The following CFAP57 variants were observed in gnomAD, a reference collection of about 807,000 sequenced individuals.
The protein encoded by CFAP57 is cilia- and flagella-associated protein 57.
A neutral mutation model predicts 146.8 loss-of-function variants in CFAP57; 116 were observed. That is an observed-to-expected ratio of 0.79 (90% CI 0.68 to 0.92). The LOEUF is 0.92. Among genes scored for constraint, CFAP57 ranks in the 40% least tolerant of loss-of-function variants. The pLI is 0.00. For synonymous variants in CFAP57, 518 were observed against 552.8 expected (o/e 0.94, Z 0.88); for missense variants, 1,377 against 1,527.2 (o/e 0.90, Z 1.64).
intron 6 of CFAP57, among the ~76,000 whole-genome samples, chr1:43,193,558 C>T (rs1482563573): frequency 6.6e-6 from 1 of 151,978 alleles, no homozygotes; most frequent in Non-Finnish European, 1.5e-5. Context: ...TCATTATAAT[C>T]AGATTCAGTT....
At chr1:43,218,890 A>G (rs1644938467) in intron 12 of CFAP57, among the ~76,000 whole-genome samples, 1 of 152,262 alleles carries the variant, frequency 6.6e-6, no homozygotes, top group African/African-American at 2.4e-5. Flanking sequence ...TTGTTCCCGT[A>G]CTTGGGATAT....
Position 43,222,097 on chromosome 1 carries a change from C to T in CFAP57, c.2342-8C>T. On this transcript the variant is annotated splice_polypyrimidine_tract_variant and splice_region_variant and intron_variant, in intron 14 of 22. Coordinates refer to ENST00000372492, the MANE Select transcript of CFAP57 (RefSeq NM_001378189.1). ...CCCACCTTAAATACCATCCTTGCTT[C>T]TCTCCAGAATGTTGCAACAACCAAA... 1 of 1,540,676 alleles carries T rather than the reference C, an allele frequency of 6.5e-7. No individual in the cohort carries two copies. Among genetic ancestry groups the T allele is most frequent in the Non-Finnish European group, 8.8e-7 (1 of 1,142,052 alleles).
intron 21 of CFAP57, among the ~76,000 whole-genome samples, chr1:43,237,747 G>A (rs1399602542): frequency 6.6e-6 from 1 of 152,184 alleles, no homozygotes; most frequent in Non-Finnish European, 1.5e-5. Flanking sequence ...CGAGAAGAGA[G>A]TCCAAGTGGA....
At chr1:43,228,870 G>A (rs1433015685) in intron 18 of CFAP57, among the ~76,000 whole-genome samples, 1 of 149,192 alleles carries the variant, frequency 6.7e-6, no homozygotes, top group Non-Finnish European at 1.5e-5. Context: ...CTCATAGATG[G>A]CACCTGCTAT....
intron 21 of CFAP57, among the ~76,000 whole-genome samples, chr1:43,239,083 G>A (rs1356567086): frequency 6.6e-6 from 1 of 152,006 alleles, no homozygotes; most frequent in Non-Finnish European, 1.5e-5. Flanking sequence ...GTTGCACACT[G>A]TCACACTGGG....
intron 22 of CFAP57, among the ~76,000 whole-genome samples, chr1:43,245,326 C>CA (rs66511657): frequency 0.84 from 119,341 of 142,284 alleles, 50,325 homozygotes; most frequent in Non-Finnish European, 0.91. Context: ...GACCCTGTCT[C>CA]AAAAAAAAAA....
rs766145150 is a variant in CFAP57 at position 43,197,561 on chromosome 1, T to C, written c.1131T>C (p.Pro377=). 8 of 1,614,148 alleles carry C rather than the reference T, an allele frequency of 5.0e-6. No homozygotes were observed. In the South Asian group the frequency reaches 8.8e-5, roughly 18 times the overall value. ...CTGTGTGATTTCTCTAGGGGGAGCC[T>C]GCTCACTTTGAGTATTTGATGTATC... ...MSLTEISKGE[P]AHFEYLMYPL... Residue 377 remains proline (P), a synonymous_variant, in exon 7 of 23, where the codon CCT becomes CCC. Coordinates refer to ENST00000372492, the MANE Select transcript of CFAP57 (RefSeq NM_001378189.1).
chr1:43,176,210 G>A (rs1645166031), intron 2 of CFAP57, among the ~76,000 whole-genome samples: 1 of 152,140 alleles, frequency 6.6e-6, no homozygotes, highest in Admixed American at 6.5e-5. Context: ...GCAGGCTCAA[G>A]ACTATCTGAG....
At chr1:43,253,480 T>C (rs2124701257) in intron 22 of CFAP57, among the ~76,000 whole-genome samples, 1 of 152,226 alleles carries the variant, frequency 6.6e-6, no homozygotes, top group East Asian at 1.9e-4. Flanking sequence ...TTGCCCAGGA[T>C]GATGCCAGCA....
intron 22 of CFAP57, among the ~76,000 whole-genome samples, chr1:43,251,424 T>C (rs1452312282): frequency 1.3e-5 from 2 of 152,250 alleles, no homozygotes; most frequent in Non-Finnish European, 2.9e-5. Context: ...TGAGTTTCAG[T>C]TCTTTGACAT....
chr1:43,212,244 T>C (rs1039484962), intron 11 of CFAP57, among the ~76,000 whole-genome samples: 7 of 152,140 alleles, frequency 4.6e-5, no homozygotes, highest in African/African-American at 1.7e-4. Context: ...TATAGAACCG[T>C]TCCATCCCCA....
At chr1:43,180,508 T>C (rs1479685517) in intron 2 of CFAP57, among the ~76,000 whole-genome samples, 1 of 151,932 alleles carries the variant, frequency 6.6e-6, no homozygotes, top group African/African-American at 2.4e-5. Context: ...TAGAGAGTGA[T>C]GTGACGGGTC....
chr1:43,198,014 G>T (rs1643938423), intron 7 of CFAP57, among the ~76,000 whole-genome samples: 1 of 152,100 alleles, frequency 6.6e-6, no homozygotes, highest in Admixed American at 6.5e-5. Flanking sequence ...CACAGGAACT[G>T]CTCTTTGCTT....
intron 22 of CFAP57, among the ~76,000 whole-genome samples, chr1:43,247,328 A>C (rs751005168): frequency 4.6e-5 from 7 of 152,226 alleles, no homozygotes; most frequent in Non-Finnish European, 1.0e-4. Context: ...AAAAAACCAC[A>C]TGATGAATAT....
chr1:43,222,329 C>A, intron 15 of CFAP57, 34 bp downstream of exon 15: 1 of 1,388,856 alleles, frequency 7.2e-7, no homozygotes, highest in Non-Finnish European at 9.4e-7. Context: ...GCCTCCCTTT[C>A]ACAGAGAAAA....
chr1:43,243,285 G>A lies in CFAP57; in HGVS notation c.3464G>A (p.Arg1155Gln), dbSNP rs188867195. The A allele has an allele frequency of 2.5e-5, 38 of 1,549,838 alleles. No individual in the cohort carries two copies. Among genetic ancestry groups the A allele is most frequent in the Admixed American group, 2.0e-4 (10 of 50,924 alleles). The change falls in exon 22 of 23, where the codon CGG becomes CAG. Residue 1155 changes from arginine to glutamine, a missense_variant. Coordinates refer to ENST00000372492, the MANE Select transcript of CFAP57 (RefSeq NM_001378189.1). ...CTCCGCAGGGAGCTGAAGTTCACTCGGTCCCAAGTCTATGACCTTGAAGCA... is the reference window on the plus strand; with the variant it reads ...CTCCGCAGGGAGCTGAAGTTCACTCAGTCCCAAGTCTATGACCTTGAAGCA... Reference protein sequence around the residue: ...NELRRELKFTRSQVYDLEAAL... With the variant: ...NELRRELKFTQSQVYDLEAAL...
intron 11 of CFAP57, among the ~76,000 whole-genome samples, 167 bp from the exon 12 acceptor site, chr1:43,215,088 A>G (rs1488572172): frequency 1.3e-5 from 2 of 152,162 alleles, no homozygotes; most frequent in African/African-American, 4.8e-5. Flanking sequence ...CTATTCATTA[A>G]CAGATGCCTG....
chr1:43,222,907 A>G lies in CFAP57; in HGVS notation c.2616A>G (p.Gln872=), dbSNP rs1448919307. 3.2e-6 allele frequency: 5 copies of G among 1,550,586 alleles called. No homozygotes were observed. The Admixed American group carries it at 9.8e-5, about 30-fold the overall frequency. Residue 872 remains glutamine (Q), a synonymous_variant, in exon 16 of 23, where the codon CAA becomes CAG. Coordinates refer to ENST00000372492, the MANE Select transcript of CFAP57 (RefSeq NM_001378189.1). The part of the protein sequence containing the change: ...QIEEDEDREI[Q]DIKTKYEKKL... ...AGGAAGATGAAGACCGAGAAATCCAAGATATCAAAACCAAGTATGAGAAAA... is the reference window on the plus strand; with the variant it reads ...AGGAAGATGAAGACCGAGAAATCCAGGATATCAAAACCAAGTATGAGAAAA...
intron 12 of CFAP57, among the ~76,000 whole-genome samples, chr1:43,218,394 G>A (rs1375303378): frequency 6.6e-6 from 1 of 152,104 alleles, no homozygotes; most frequent in Non-Finnish European, 1.5e-5. Context: ...GAGCCCAAGA[G>A]TTCGAGACCA....
Sources: gnomAD v4.1 joint callset for allele counts (sites outside exome capture counted in the v4.1 genomes callset) on GRCh38, gnomAD v4.1.1 for gene constraint, MANE v1.5 for transcripts, NCBI Gene and HGNC (gene_info 2026-07-23, HGNC 2026-07-21) for gene names.